NKAIN2: variants seen among roughly 807,000 people sequenced by gnomAD.
The protein encoded by NKAIN2 is sodium/potassium-transporting ATPase subunit beta-1-interacting protein 2.
A neutral mutation model predicts 32.6 loss-of-function variants in NKAIN2; 14 were observed. That is an observed-to-expected ratio of 0.43 (90% CI 0.28 to 0.67). The LOEUF (loss-of-function observed/expected upper bound fraction) is 0.67. Among genes scored for constraint, NKAIN2 ranks in the 30% least tolerant of loss-of-function variants. The pLI, the probability that NKAIN2 is intolerant of heterozygous loss-of-function variation, is 0.17. For synonymous variants in NKAIN2, 80 were observed against 87.2 expected (o/e 0.92, Z 0.46); for missense variants, 198 against 258.3 (o/e 0.77, Z 1.60).
intron 3 of NKAIN2, among the ~76,000 whole-genome samples, chr6:124,647,324 A>G (rs545167891): frequency 6.6e-6 from 1 of 151,904 alleles, no homozygotes; most frequent in South Asian, 2.1e-4. Context: ...AGGCAGGCAG[A>G]CCACTTGAGG....
intron 1 of NKAIN2, among the ~76,000 whole-genome samples, chr6:123,818,609 A>G (rs565784983): frequency 1.2e-4 from 19 of 152,262 alleles, no homozygotes; most frequent in African/African-American, 4.6e-4. Flanking sequence ...GCTTGATCCA[A>G]TTTGATTTCC....
At chr6:124,128,295 A>G (rs1582697905) in intron 1 of NKAIN2, among the ~76,000 whole-genome samples, 1 of 152,240 alleles carries the variant, frequency 6.6e-6, no homozygotes, top group South Asian at 2.1e-4. Flanking sequence ...GAAATGTTCT[A>G]TAATATAGAT....
At chr6:124,383,677 T>G (rs928867526) in intron 3 of NKAIN2, among the ~76,000 whole-genome samples, 9 of 152,200 alleles carry the variant, frequency 5.9e-5, no homozygotes, top group African/African-American at 2.2e-4. Context: ...GGAAGTTTTC[T>G]CTCCACTTCT....
intron 4 of NKAIN2, among the ~76,000 whole-genome samples, chr6:124,726,393 C>A (rs1776310876): frequency 6.6e-6 from 1 of 152,136 alleles, no homozygotes; most frequent in African/African-American, 2.4e-5. Flanking sequence ...CAAGTGGGTC[C>A]CTGACCCATG....
In NKAIN2 at chr6:123,885,644, C is replaced by T. The variant is rs180933230; in HGVS notation, c.54+81390C>T. ...TTAAATTTGAGACAAATGTGTTTTC[C>T]GTGATGCAAGAACTGCTGCCAGTCT... On this transcript the variant is annotated intron_variant, in intron 1 of 6. Transcript: ENST00000368417. Among the ~76,000 whole-genome samples the T allele has an allele frequency of 1.2e-3, 180 of 151,964 alleles. 1 individual carries two copies. The highest frequency in any genetic ancestry group is 3.9e-3 in the African/African-American group (163 of 41,500).
At chr6:123,978,061 G>A (rs920599158) in intron 1 of NKAIN2, among the ~76,000 whole-genome samples, 2 of 152,216 alleles carry the variant, frequency 1.3e-5, no homozygotes, top group East Asian at 3.9e-4. Context: ...TCATGTTTAT[G>A]CACCTTTAAG....
chr6:124,791,309 GA>G, intron 4 of NKAIN2, 29 bp from the exon 5 acceptor site: 1 of 1,583,446 alleles, frequency 6.3e-7, no homozygotes, highest in Non-Finnish European at 8.7e-7. Context: ...GCCTTTTTCT[GA>G]TGTCTAAAGC....
At chr6:123,958,547 C>T (rs1777701877) in intron 1 of NKAIN2, among the ~76,000 whole-genome samples, 1 of 152,230 alleles carries the variant, frequency 6.6e-6, no homozygotes, top group Admixed American at 6.5e-5. Context: ...TAAAAGGACG[C>T]TAATCTCATT....
chr6:123,896,196 C>T (rs1774271901), intron 1 of NKAIN2, among the ~76,000 whole-genome samples: 1 of 152,208 alleles, frequency 6.6e-6, no homozygotes, highest in Non-Finnish European at 1.5e-5. Flanking sequence ...TTACTGAATG[C>T]TTGCTGTATT....
At chr6:124,321,802 C>T (rs1562489440) in intron 2 of NKAIN2, among the ~76,000 whole-genome samples, 1 of 152,134 alleles carries the variant, frequency 6.6e-6, no homozygotes, top group Non-Finnish European at 1.5e-5. Context: ...GCAATAAAAA[C>T]ATTGGCATGG....
intron 1 of NKAIN2, among the ~76,000 whole-genome samples, chr6:124,236,115 A>G (rs1391250196): frequency 6.6e-6 from 1 of 152,116 alleles, no homozygotes; most frequent in Non-Finnish European, 1.5e-5. Context: ...ATATGTTTAA[A>G]TTTAAGTGAC....
chr6:124,533,487 A>AAAAAAAAAAAAAAG (rs1779604357), intron 3 of NKAIN2, among the ~76,000 whole-genome samples: 1 of 149,662 alleles, frequency 6.7e-6, no homozygotes, highest in Non-Finnish European at 1.5e-5. Context: ...AAAAAAAAAA[A>AAAAAAAAAAAAAAG]AAAATCCTGC....
At chr6:123,831,117 GA>G (rs1200410647) in intron 1 of NKAIN2, among the ~76,000 whole-genome samples, 3 of 152,086 alleles carry the variant, frequency 2.0e-5, no homozygotes, top group African/African-American at 7.2e-5. Context: ...TTCCATGCTT[GA>G]AACTTTCTTT....
intron 3 of NKAIN2, among the ~76,000 whole-genome samples, chr6:124,377,747 C>A (rs557198811): frequency 1.3e-5 from 2 of 152,060 alleles, no homozygotes; most frequent in Non-Finnish European, 2.9e-5. Context: ...TGATTTTTAG[C>A]GTGGAATGAC....
At chr6:124,214,747 C>T (rs1033386318) in intron 1 of NKAIN2, among the ~76,000 whole-genome samples, 2 of 152,216 alleles carry the variant, frequency 1.3e-5, no homozygotes, top group African/African-American at 4.8e-5. Context: ...TCTATTTCTA[C>T]AGCAAATGGG....
At chr6:124,425,290 G>GT (rs1774932664) in intron 3 of NKAIN2, among the ~76,000 whole-genome samples, 1 of 152,038 alleles carries the variant, frequency 6.6e-6, no homozygotes, top group African/African-American at 2.4e-5. Flanking sequence ...AATTAGACAT[G>GT]TATCTTATGA....
chr6:124,343,986 T>C (rs1051705597), intron 2 of NKAIN2, among the ~76,000 whole-genome samples: 3 of 151,922 alleles, frequency 2.0e-5, no homozygotes, highest in African/African-American at 7.2e-5. Context: ...AAGTCTTTAA[T>C]CCATCTTAAA....
chr6:124,682,131 A>G (rs578069605), intron 4 of NKAIN2, among the ~76,000 whole-genome samples: 1 of 152,138 alleles, frequency 6.6e-6, no homozygotes, highest in East Asian at 1.9e-4. Context: ...ACCAGTAAAA[A>G]ATGTTTTTTT....
chr6:123,963,351 G>A (rs1582850267), intron 1 of NKAIN2, among the ~76,000 whole-genome samples: 1 of 152,142 alleles, frequency 6.6e-6, no homozygotes, highest in African/African-American at 2.4e-5. Flanking sequence ...TTTTTTAAAT[G>A]AGTGATGATT....
Sources: allele counts gnomAD v4.1 joint callset (sites outside exome capture counted in the v4.1 genomes callset), GRCh38; gene constraint gnomAD v4.1.1; transcripts MANE v1.5; gene names NCBI Gene and HGNC (gene_info 2026-07-23, HGNC 2026-07-21).